ERBB4: variants seen among roughly 807,000 people sequenced by gnomAD.
ERBB4 encodes receptor tyrosine-protein kinase erbB-4.
ERBB4 carries 42 observed loss-of-function variants against 158.0 expected under a neutral mutation model. The observed-to-expected ratio is 0.27, with a 90% CI of 0.21 to 0.34. ERBB4 has a LOEUF of 0.34. Ranked by LOEUF, ERBB4 falls within the 10% of genes least tolerant of loss-of-function variation. The probability of loss-of-function intolerance (pLI) is 1.00; values close to 1 mark genes in which losing one functional copy is unlikely to be tolerated. For synonymous variants in ERBB4, 583 were observed against 558.7 expected (o/e 1.04, Z -0.61); for missense variants, 1,333 against 1,624.1 (o/e 0.82, Z 3.08).
chr2:211,850,966 A>T (rs1420717240), intron 3 of ERBB4, among the ~76,000 whole-genome samples: 1 of 151,920 alleles, frequency 6.6e-6, no homozygotes, highest in Non-Finnish European at 1.5e-5. Flanking sequence ...TTGCAATTTG[A>T]CTCAAAGTTG....
At chr2:211,642,133 A>C (rs1160775124) in intron 16 of ERBB4, among the ~76,000 whole-genome samples, 2 of 152,112 alleles carry the variant, frequency 1.3e-5, no homozygotes, top group African/African-American at 2.4e-5. Context: ...TTTATCTCTT[A>C]AACAGTTTGT....
chr2:211,510,773 A>AT (rs1045693053), intron 20 of ERBB4, among the ~76,000 whole-genome samples: 1 of 151,818 alleles, frequency 6.6e-6, no homozygotes, highest in Admixed American at 6.6e-5. Context: ...GAAGCTTGCC[A>AT]TTTTTTTTCT....
intron 19 of ERBB4, among the ~76,000 whole-genome samples, chr2:211,573,647 G>T (rs1574781518): frequency 6.6e-6 from 1 of 152,094 alleles, no homozygotes; most frequent in East Asian, 1.9e-4. Flanking sequence ...TCCAGCCTGG[G>T]TGACAGAGCG....
At chr2:212,345,417 A>G (rs2088949208) in intron 1 of ERBB4, among the ~76,000 whole-genome samples, 1 of 152,110 alleles carries the variant, frequency 6.6e-6, no homozygotes, top group Non-Finnish European at 1.5e-5. Flanking sequence ...GACATTTAGC[A>G]ATGTCTGGAG....
intron 1 of ERBB4, among the ~76,000 whole-genome samples, chr2:212,485,859 G>C (rs1299736616): frequency 6.6e-6 from 1 of 151,880 alleles, no homozygotes; most frequent in Non-Finnish European, 1.5e-5. Flanking sequence ...ACCTCTCTGG[G>C]GCCTCTTTTA....
chr2:212,224,273 T>C (rs2083400881), intron 1 of ERBB4, among the ~76,000 whole-genome samples: 1 of 151,922 alleles, frequency 6.6e-6, no homozygotes, highest in Non-Finnish European at 1.5e-5. Context: ...TGAAGTTAAA[T>C]GTATCAAGTC....
At chr2:212,523,541 A>C (rs1450140360) in intron 1 of ERBB4, among the ~76,000 whole-genome samples, 3 of 147,818 alleles carry the variant, frequency 2.0e-5, no homozygotes, top group African/African-American at 7.7e-5. Context: ...CTGTTAAGAA[A>C]AAGGCAAAAT....
chr2:212,148,509 CT>C (rs2080758403), intron 1 of ERBB4, among the ~76,000 whole-genome samples: 1 of 151,936 alleles, frequency 6.6e-6, no homozygotes, highest in African/African-American at 2.4e-5. Flanking sequence ...GCCCTAGGTA[CT>C]TTCAAAGAGC....
At position 212,359,089 on chromosome 2, in the gene ERBB4, A is replaced by C. The variant is rs561928132; in HGVS notation, c.82+179360T>G. Among the ~76,000 whole-genome samples, 4 of 151,852 alleles carry C rather than the reference A, an allele frequency of 2.6e-5. No homozygotes were observed. The South Asian group carries it at 8.3e-4, about 32-fold the overall frequency. ...CCAATGCAACATCATATTTTGCCAC[A>C]TAATTTCACAACAGATATTGTTCTT... On this transcript the variant is annotated intron_variant, in intron 1 of 27. Coordinates refer to ENST00000342788, the MANE Select transcript of ERBB4 (RefSeq NM_005235.3).
chr2:212,269,287 T>A (rs2085259103), intron 1 of ERBB4, among the ~76,000 whole-genome samples: 1 of 151,890 alleles, frequency 6.6e-6, no homozygotes, highest in Admixed American at 6.6e-5. Context: ...CAGGAAGCTA[T>A]ATGCCAGTGA....
chr2:211,566,123 G>A, intron 19 of ERBB4, among the ~76,000 whole-genome samples: 1 of 152,198 alleles, frequency 6.6e-6, no homozygotes, highest in South Asian at 2.1e-4. Flanking sequence ...CCAGTCAGCA[G>A]TAACAGGAGT....
intron 1 of ERBB4, among the ~76,000 whole-genome samples, chr2:212,504,024 A>G (rs1691046260): frequency 1.3e-5 from 2 of 152,230 alleles, no homozygotes; most frequent in African/African-American, 4.8e-5. Flanking sequence ...TTTAACATCC[A>G]GTTCCAAAAT....
chr2:212,131,044 T>C (rs967000962), intron 1 of ERBB4, among the ~76,000 whole-genome samples: 3 of 152,204 alleles, frequency 2.0e-5, no homozygotes, highest in African/African-American at 7.2e-5. Context: ...ATACAAAATA[T>C]TGAAGACCAC....
At chr2:212,144,857 A>G (rs2080611540) in intron 1 of ERBB4, among the ~76,000 whole-genome samples, 1 of 152,250 alleles carries the variant, frequency 6.6e-6, no homozygotes, top group Non-Finnish European at 1.5e-5. Context: ...TAATAAAATT[A>G]AGAGGCAAAA....
intron 20 of ERBB4, among the ~76,000 whole-genome samples, chr2:211,506,259 A>T (rs1211358684): frequency 6.6e-6 from 1 of 152,096 alleles, no homozygotes; most frequent in Non-Finnish European, 1.5e-5. Context: ...CCAGATTCAT[A>T]AAACAAATGC....
intron 2 of ERBB4, among the ~76,000 whole-genome samples, chr2:211,975,555 A>G (rs1272092690): frequency 6.6e-6 from 1 of 152,218 alleles, no homozygotes; most frequent in Non-Finnish European, 1.5e-5. Flanking sequence ...ATTTATAAGT[A>G]AACTACAAGT....
At chr2:211,719,868 GAAAAA>G (rs56887696) in intron 7 of ERBB4, among the ~76,000 whole-genome samples, 2 of 76,748 alleles carry the variant, frequency 2.6e-5, no homozygotes, top group Non-Finnish European at 6.4e-5. Flanking sequence ...ACAAAGAAAA[GAAAAA>G]AAAAAAAAAA....
chr2:212,030,013 A>G (rs747898658), intron 2 of ERBB4, among the ~76,000 whole-genome samples: 1 of 152,122 alleles, frequency 6.6e-6, no homozygotes, highest in Non-Finnish European at 1.5e-5. Flanking sequence ...GGCTGTGACT[A>G]TTTCACATAA....
At chr2:211,672,081 C>A (rs189574890) in intron 14 of ERBB4, among the ~76,000 whole-genome samples, 2 of 152,294 alleles carry the variant, frequency 1.3e-5, no homozygotes, top group East Asian at 3.9e-4. Context: ...TTTTCCACAT[C>A]TTTCTTTAGA....
Sources: gnomAD v4.1 joint callset for allele counts (sites outside exome capture counted in the v4.1 genomes callset) on GRCh38, gnomAD v4.1.1 for gene constraint, MANE v1.5 for transcripts, NCBI Gene and HGNC (gene_info 2026-07-23, HGNC 2026-07-21) for gene names.